Variants in PBX3 observed in about 807,000 individuals in gnomAD.
PBX3 encodes the protein PBX homeobox 3.
A neutral mutation model predicts 48.5 loss-of-function variants in PBX3; 14 were observed. That is an observed-to-expected ratio of 0.29 (90% CI 0.19 to 0.45). The LOEUF is 0.45. Ranked by LOEUF, PBX3 falls within the 20% of genes least tolerant of loss-of-function variation. PBX3 has a pLI of 1.00. For missense variants in PBX3, 386 were observed against 546.7 expected, an observed-to-expected ratio of 0.71 and a Z score of 2.93; for synonymous variants, 210 against 200.3, an observed-to-expected ratio of 1.05 and a Z score of -0.41.
At chr9:125,856,181 G>A (rs1297264201) in intron 2 of PBX3, among the ~76,000 whole-genome samples, 1 of 152,072 alleles carries the variant, frequency 6.6e-6, no homozygotes, top group African/African-American at 2.4e-5. Flanking sequence ...TCAGATGAGA[G>A]ATATTAACAA....
At chr9:125,871,888 G>C (rs1840133963) in intron 2 of PBX3, among the ~76,000 whole-genome samples, 4 of 152,160 alleles carry the variant, frequency 2.6e-5, no homozygotes, top group African/African-American at 9.7e-5. Context: ...TTCTAGGAAG[G>C]TGACAAAGTT....
chr9:125,779,117 GTC>G (rs1837162712), intron 2 of PBX3, among the ~76,000 whole-genome samples: 1 of 135,026 alleles, frequency 7.4e-6, no homozygotes, highest in South Asian at 2.5e-4. Flanking sequence ...AATCTGCTTT[GTC>G]TCTATAAATT....
rs777513395 is a variant in PBX3 at position 125,802,459 on chromosome 9, C to G, written c.274+53836C>G. 2.0e-4 allele frequency among the ~76,000 whole-genome samples: 30 copies of G among 150,270 alleles called. 1 individual carries two copies. The Middle Eastern group carries it at 0.02, about 102-fold the overall frequency. ...CATGGCTCACTGCAGCCTCCACCTCCCCAGGCTCAGGTAATTCTCCCACCT... is the reference window on the plus strand; with the variant it reads ...CATGGCTCACTGCAGCCTCCACCTCGCCAGGCTCAGGTAATTCTCCCACCT... On this transcript the variant is annotated intron_variant, in intron 2 of 8. Transcript: ENST00000373489.
intron 2 of PBX3, among the ~76,000 whole-genome samples, chr9:125,777,810 TTG>T (rs1294571056): frequency 1.3e-5 from 2 of 152,156 alleles, no homozygotes; most frequent in Non-Finnish European, 2.9e-5. Context: ...TTAAGGTAAT[TTG>T]TGTGTTTCAA....
At chr9:125,821,269 C>T (rs1838645790) in intron 2 of PBX3, among the ~76,000 whole-genome samples, 2 of 152,086 alleles carry the variant, frequency 1.3e-5, no homozygotes, top group Non-Finnish European at 2.9e-5. Context: ...ATACGAGCTT[C>T]TCTGTTTCAG....
At chr9:125,848,131 A>G (rs554674906) in intron 2 of PBX3, among the ~76,000 whole-genome samples, 2 of 152,074 alleles carry the variant, frequency 1.3e-5, no homozygotes, top group Non-Finnish European at 2.9e-5. Context: ...TAGAGAACAG[A>G]TCTCTCTGGA....
chr9:125,884,747 A>T (rs888767711), intron 2 of PBX3, among the ~76,000 whole-genome samples: 3 of 152,170 alleles, frequency 2.0e-5, no homozygotes, highest in Non-Finnish European at 4.4e-5. Context: ...AAGCAAAGCA[A>T]CCACTCCATA....
chr9:125,934,427 C>T (rs1261969325), intron 4 of PBX3, among the ~76,000 whole-genome samples: 1 of 152,134 alleles, frequency 6.6e-6, no homozygotes, highest in African/African-American at 2.4e-5. Context: ...TTTCTAATTA[C>T]TGGAGTACTT....
At chr9:125,793,366 A>AAT (rs1554855765) in intron 2 of PBX3, among the ~76,000 whole-genome samples, 4,348 of 101,886 alleles carry the variant, frequency 0.043, 146 homozygotes, top group South Asian at 0.059. Flanking sequence ...GGAAAAAAAA[A>AAT]ATATATATAT....
At chr9:125,885,659 G>A (rs139937304) in intron 2 of PBX3, among the ~76,000 whole-genome samples, 1 of 152,084 alleles carries the variant, frequency 6.6e-6, no homozygotes, top group Non-Finnish European at 1.5e-5. Flanking sequence ...AAGAGAGAAT[G>A]TTCTCCCTGG....
chr9:125,748,589 C>T lies in PBX3; in HGVS notation c.240C>T (p.Leu80=). ...ALNCHRMKPA[L]FSVLCEIKEK... is the part of the protein sequence containing the mutation. ...ACTGTCACAGAATGAAACCAGCGCT[C>T]TTCAGCGTCCTGTGTGAGATCAAAG... Residue 80 remains leucine (L), a synonymous_variant, in exon 2 of 9, where the codon CTC becomes CTT. Transcript: ENST00000373489. The T allele has an allele frequency of 1.9e-6, 3 of 1,613,816 alleles. No homozygotes were observed. The highest frequency in any genetic ancestry group is 1.1e-5 in the South Asian group (1 of 91,078).
At chr9:125,841,210 C>T (rs911275492) in intron 2 of PBX3, among the ~76,000 whole-genome samples, 17 of 152,094 alleles carry the variant, frequency 1.1e-4, no homozygotes, top group African/African-American at 3.1e-4. Flanking sequence ...GGACTTGTTA[C>T]CAAGTTTTAT....
At chr9:125,750,832 T>C (rs1836354451) in intron 2 of PBX3, among the ~76,000 whole-genome samples, 2 of 152,208 alleles carry the variant, frequency 1.3e-5, no homozygotes, top group African/African-American at 2.4e-5. Flanking sequence ...TACTGAGTGA[T>C]TGATGGGGGT....
chr9:125,950,906 C>A (rs927204213), intron 5 of PBX3, among the ~76,000 whole-genome samples: 11 of 152,068 alleles, frequency 7.2e-5, no homozygotes, highest in African/African-American at 2.7e-4. Flanking sequence ...GTTTGTAGAC[C>A]TCACCACTTA....
chr9:125,803,522 CTT>C (rs1838031349), intron 2 of PBX3, among the ~76,000 whole-genome samples: 1 of 151,594 alleles, frequency 6.6e-6, no homozygotes, highest in East Asian at 1.9e-4. Context: ...TCCTTAACCT[CTT>C]TGTCATGACC....
chr9:125,944,054 A>G (rs142903053), intron 5 of PBX3, among the ~76,000 whole-genome samples: 296 of 152,324 alleles, frequency 1.9e-3, no homozygotes, highest in Non-Finnish European at 3.4e-3. Flanking sequence ...TAGAGAGTGG[A>G]TAGGGAGGAG....
Position 125,906,116 on chromosome 9 carries a change from G to A in PBX3, c.275-9570G>A, listed in dbSNP as rs1841065753. On this transcript the variant is annotated intron_variant, in intron 2 of 8. Coordinates refer to ENST00000373489, the MANE Select transcript of PBX3 (RefSeq NM_006195.6). ...CATTTTTAGTCATTAATTAGATGCTGTATTTATATTAAAGAGTCAGCACAC... is the reference window on the plus strand; with the variant it reads ...CATTTTTAGTCATTAATTAGATGCTATATTTATATTAAAGAGTCAGCACAC... Among the ~76,000 whole-genome samples the A allele has an allele frequency of 2.6e-5, 4 of 151,998 alleles. No homozygotes were observed. The South Asian group carries it at 6.2e-4, about 24-fold the overall frequency.
chr9:125,780,377 C>G (rs562357405), intron 2 of PBX3, among the ~76,000 whole-genome samples: 2 of 132,012 alleles, frequency 1.5e-5, no homozygotes, highest in Admixed American at 7.4e-5. Flanking sequence ...CTGACCCCAC[C>G]TCCCTCCCAG....
chr9:125,921,524 A>T (rs1003908958), intron 3 of PBX3, among the ~76,000 whole-genome samples: 3 of 152,186 alleles, frequency 2.0e-5, no homozygotes, highest in Admixed American at 1.3e-4. Context: ...GACTCTGTGC[A>T]AAGAACTTAA....
Sources: allele counts gnomAD v4.1 joint callset (sites outside exome capture counted in the v4.1 genomes callset), GRCh38; gene constraint gnomAD v4.1.1; transcripts MANE v1.5; gene names NCBI Gene and HGNC (gene_info 2026-07-23, HGNC 2026-07-21).